Variants in USP34 observed in about 807,000 individuals in gnomAD.
USP34 encodes the protein ubiquitin specific peptidase 34.
A neutral mutation model predicts 460.3 loss-of-function variants in USP34; 70 were observed. The ratio of observed to expected loss-of-function variants is 0.15; its 90% confidence interval spans 0.13 to 0.19. The LOEUF (loss-of-function observed/expected upper bound fraction) is 0.19, where lower values mean the gene tolerates loss of function less well. Among genes scored for constraint, USP34 ranks in the 10% least tolerant of loss-of-function variants. The pLI is 1.00. For missense variants in USP34, 3,985 were observed against 4,236.2 expected (o/e 0.94, Z 1.65); for synonymous variants, 1,647 against 1,405.3 (o/e 1.17, Z -3.85).
At chr2:61,470,453 C>T (rs1318433960) in intron 1 of USP34, among the ~76,000 whole-genome samples, 197 bp downstream of exon 1, 11 of 149,808 alleles carry the variant, frequency 7.3e-5, no homozygotes, top group Admixed American at 7.3e-4. Context: ...GCCTCTCGGG[C>T]GCCCAGGTAA....
intron 27 of USP34, among the ~76,000 whole-genome samples, chr2:61,309,349 G>A (rs945321321): frequency 6.6e-6 from 1 of 152,122 alleles, no homozygotes; most frequent in East Asian, 1.9e-4. Flanking sequence ...AACGAGAAAG[G>A]TATGGATCAT....
At chr2:61,325,592 T>TG in intron 20 of USP34, 135 bp from the exon 21 acceptor site, 1 of 480,556 alleles carries the variant, frequency 2.1e-6, no homozygotes, top group Non-Finnish European at 3.5e-6. Context: ...GTATCTTTGG[T>TG]TACACGAAAG....
At chr2:61,452,484 CCTA>C (rs1240909966) in intron 1 of USP34, among the ~76,000 whole-genome samples, 1 of 151,706 alleles carries the variant, frequency 6.6e-6, no homozygotes, top group African/African-American at 2.4e-5. Flanking sequence ...ATCACCACAC[CCTA>C]CTAATTTTTG....
intron 1 of USP34, among the ~76,000 whole-genome samples, chr2:61,425,754 G>T (rs989743082): frequency 1.3e-5 from 2 of 152,132 alleles, no homozygotes; most frequent in Non-Finnish European, 2.9e-5. Context: ...GTGGTGGGAA[G>T]GGGGACAGGA....
chr2:61,361,466 A>T (rs560669346), intron 10 of USP34, among the ~76,000 whole-genome samples: 1 of 152,296 alleles, frequency 6.6e-6, no homozygotes, highest in South Asian at 2.1e-4. Context: ...AAACAGACAT[A>T]TGGACCCATA....
intron 1 of USP34, among the ~76,000 whole-genome samples, chr2:61,468,872 T>G: frequency 6.6e-6 from 1 of 152,190 alleles, no homozygotes; most frequent in East Asian, 1.9e-4. Flanking sequence ...AAACCAACTT[T>G]ACTTTCTTTA....
chr2:61,342,508 C>T (rs1691637301), intron 16 of USP34, among the ~76,000 whole-genome samples: 1 of 151,044 alleles, frequency 6.6e-6, no homozygotes, highest in African/African-American at 2.4e-5. Context: ...GATGGGGTTT[C>T]ACCACGTTGG....
chr2:61,194,107 G>C (rs954293094), intron 75 of USP34: 5 of 985,292 alleles, frequency 5.1e-6, no homozygotes, highest in Middle Eastern at 1.0e-3. Context: ...CCGTGGGTTA[G>C]ACCAAGGACT....
intron 5 of USP34, among the ~76,000 whole-genome samples, chr2:61,386,811 T>C (rs1406475151): frequency 6.6e-6 from 1 of 152,006 alleles, no homozygotes; most frequent in African/African-American, 2.4e-5. Flanking sequence ...CAAAAAAAAC[T>C]TTGTAAGTAT....
At chr2:61,269,973 A>C (rs191319732) in intron 41 of USP34, among the ~76,000 whole-genome samples, 6 of 152,332 alleles carry the variant, frequency 3.9e-5, no homozygotes, top group Admixed American at 3.9e-4. Context: ...ATTTTTTAAC[A>C]ATAGTCATCC....
chr2:61,381,671 G>A (rs1692979383), intron 6 of USP34, among the ~76,000 whole-genome samples: 1 of 152,112 alleles, frequency 6.6e-6, no homozygotes, highest in African/African-American at 2.4e-5. Context: ...TTTGAGGGAT[G>A]TTTTCTTACA....
intron 10 of USP34, among the ~76,000 whole-genome samples, chr2:61,363,477 A>G (rs55697150): frequency 0.15 from 22,401 of 152,214 alleles, 2,164 homozygotes; most frequent in South Asian, 0.36. Flanking sequence ...GCTATATGCT[A>G]TAGTTTACTG....
At position 61,339,386 on chromosome 2, in the gene USP34, G is replaced by A. The variant is rs1293376408; in HGVS notation, c.2709C>T (p.Phe903=). The A allele has an allele frequency of 1.9e-6, 3 of 1,608,928 alleles. No individual in the cohort carries two copies. The highest frequency in any genetic ancestry group is 2.5e-6 in the Non-Finnish European group (3 of 1,178,074). The change falls in exon 18 of 80, where the codon TTC becomes TTT. Residue 903 remains phenylalanine (F), a synonymous_variant. Coordinates refer to ENST00000398571, the MANE Select transcript of USP34 (RefSeq NM_014709.4). ...WFTDRQIRMR[F]IEGCLENLGN... ...CCAAGTTTTCAAGGCAACCTTCAAT[G>A]AATCTCATTCGAATTTGTCTATCTG...
At chr2:61,245,434 T>G (rs996938924) in intron 50 of USP34, 146 bp from the exon 51 acceptor site, 8 of 454,406 alleles carry the variant, frequency 1.8e-5, no homozygotes, top group African/African-American at 4.0e-5. Flanking sequence ...AATTCTAATC[T>G]ACTAGAAATT....
intron 48 of USP34, among the ~76,000 whole-genome samples, chr2:61,254,383 C>T (rs956109811): frequency 1.3e-5 from 2 of 152,208 alleles, no homozygotes; most frequent in Non-Finnish European, 2.9e-5. Context: ...GATTCAATCA[C>T]ACAGATAAAC....
rs368972480 is a variant in USP34, at chr2:61,355,765, G to A, written c.1252-5072C>T. On this transcript the variant is annotated intron_variant, in intron 10 of 79. Coordinates refer to ENST00000398571, the MANE Select transcript of USP34 (RefSeq NM_014709.4). ...AACACAAGTTTGTCCCTCTTTATGA[G>A]TAATTATTTTAAATGTAAATGGTTT... is the stretch of plus-strand genomic sequence containing the variant. Among the ~76,000 whole-genome samples, 4 of 152,208 alleles carry A rather than the reference G, an allele frequency of 2.6e-5. No homozygotes were observed. In the East Asian group the frequency reaches 7.7e-4, roughly 29 times the overall value.
intron 5 of USP34, among the ~76,000 whole-genome samples, chr2:61,390,707 G>A (rs979631620): frequency 6.6e-6 from 1 of 152,070 alleles, no homozygotes; most frequent in African/African-American, 2.4e-5. Context: ...AATCTGATAA[G>A]GTAAGAATTT....
intron 57 of USP34, among the ~76,000 whole-genome samples, 153 bp from the exon 58 acceptor site, chr2:61,232,685 T>A (rs1687941819): frequency 6.6e-6 from 1 of 152,138 alleles, no homozygotes; most frequent in Admixed American, 6.6e-5. Context: ...AGTCAAACTC[T>A]AAAATCATAA....
At chr2:61,446,511 G>C in intron 1 of USP34, among the ~76,000 whole-genome samples, 1 of 152,158 alleles carries the variant, frequency 6.6e-6, no homozygotes. Flanking sequence ...ATCCAGTGAT[G>C]TAGGCTGGGC....
Sources: gnomAD v4.1 joint callset for allele counts (sites outside exome capture counted in the v4.1 genomes callset) on GRCh38, gnomAD v4.1.1 for gene constraint, MANE v1.5 for transcripts, NCBI Gene and HGNC (gene_info 2026-07-23, HGNC 2026-07-21) for gene names.